Variants in NRXN1 observed in about 807,000 individuals in gnomAD.
The protein encoded by NRXN1 is neurexin 1, also known as neurexin-1.
NRXN1 carries 39 observed loss-of-function variants against 150.9 expected under a neutral mutation model. The ratio of observed to expected loss-of-function variants is 0.26; its 90% CI spans 0.20 to 0.34. The LOEUF (loss-of-function observed/expected upper bound fraction) is 0.34. Ranked by LOEUF, NRXN1 falls within the 10% of genes least tolerant of loss-of-function variation. The pLI is 1.00. For missense variants in NRXN1, 1,815 were observed against 1,949.9 expected, an observed-to-expected ratio of 0.93 and a Z score of 1.30; for synonymous variants, 924 against 757.0, an observed-to-expected ratio of 1.22 and a Z score of -3.62.
At position 50,804,944 on chromosome 2, in the gene NRXN1, G is replaced by A. The variant is rs114524855; in HGVS notation, c.832+116925C>T. Among the ~76,000 whole-genome samples, 1,097 of 152,290 alleles carry A rather than the reference G, an allele frequency of 7.2e-3. 8 individuals are homozygous for A. The highest frequency in any genetic ancestry group is 0.025 in the African/African-American group (1,040 of 41,566). On this transcript the variant is annotated intron_variant, in intron 5 of 22. Transcript: ENST00000401669. The stretch of plus-strand genomic sequence containing the variant: ...CAGTGTGTGCATGTAAGAAGAAGCA[G>A]TACAGTATAATAAAGAAGGCAGGTT...
chr2:49,972,456 T>G (rs1678124242), intron 21 of NRXN1, among the ~76,000 whole-genome samples: 1 of 152,238 alleles, frequency 6.6e-6, no homozygotes, highest in Non-Finnish European at 1.5e-5. Flanking sequence ...CTAAACATTT[T>G]CAGAATTGAA....
At chr2:50,793,134 A>T (rs893747374) in intron 5 of NRXN1, among the ~76,000 whole-genome samples, 1 of 152,172 alleles carries the variant, frequency 6.6e-6, no homozygotes, top group African/African-American at 2.4e-5. Flanking sequence ...TATCCAGAAG[A>T]AAAAGCAAAG....
chr2:50,707,847 C>CTTACAGATTTTCCTACAGTATA (rs1289585326), intron 5 of NRXN1, among the ~76,000 whole-genome samples: 1 of 152,134 alleles, frequency 6.6e-6, no homozygotes, highest in Non-Finnish European at 1.5e-5. Flanking sequence ...CCTAGAAGAT[C>CTTACAGATTTTCCTACAGTATA]TTACAGATTT....
intron 18 of NRXN1, among the ~76,000 whole-genome samples, chr2:50,148,665 G>A (rs1347795359): frequency 6.6e-6 from 1 of 151,704 alleles, no homozygotes. Flanking sequence ...ACTGACCCAT[G>A]ATTCAGAATT....
At chr2:50,334,047 C>CTG (rs1348939857) in intron 17 of NRXN1, among the ~76,000 whole-genome samples, 1 of 151,332 alleles carries the variant, frequency 6.6e-6, no homozygotes, top group Non-Finnish European at 1.5e-5. Context: ...AGCTTTTTGC[C>CTG]TGTGTGTGTG....
At chr2:50,624,216 T>A (rs1204121049) in intron 5 of NRXN1, among the ~76,000 whole-genome samples, 1 of 152,156 alleles carries the variant, frequency 6.6e-6, no homozygotes, top group African/African-American at 2.4e-5. Flanking sequence ...GGTGGCAGTA[T>A]GTTTTTAATA....
chr2:50,401,583 G>T (rs2082395486), intron 17 of NRXN1, among the ~76,000 whole-genome samples: 1 of 152,000 alleles, frequency 6.6e-6, no homozygotes, highest in Admixed American at 6.6e-5. Flanking sequence ...CACTTTACTA[G>T]ATGAATTCAG....
intron 2 of NRXN1, among the ~76,000 whole-genome samples, chr2:50,948,682 C>T (rs1012303311): frequency 4.6e-5 from 7 of 152,000 alleles, no homozygotes; most frequent in African/African-American, 1.7e-4. Flanking sequence ...GAATTAACCA[C>T]TTTGGAACCT....
intron 5 of NRXN1, among the ~76,000 whole-genome samples, chr2:50,816,752 G>A (rs1050611053): frequency 2.6e-5 from 4 of 152,028 alleles, no homozygotes; most frequent in Non-Finnish European, 5.9e-5. Context: ...CCATGAGTTG[G>A]TCACTGCTGT....
chr2:50,994,145 C>T (rs1296055696), intron 2 of NRXN1, among the ~76,000 whole-genome samples: 1 of 151,850 alleles, frequency 6.6e-6, no homozygotes, highest in East Asian at 1.9e-4. Context: ...AATACTGAGC[C>T]TTAGAGAAGT....
intron 2 of NRXN1, among the ~76,000 whole-genome samples, chr2:50,962,507 C>A (rs989512557): frequency 3.2e-5 from 4 of 124,002 alleles, no homozygotes; most frequent in African/African-American, 1.3e-4. Context: ...ATTCACAGAG[C>A]CAAGTGCTTG....
chr2:50,063,188 C>T (rs1189987191), intron 19 of NRXN1, among the ~76,000 whole-genome samples: 2 of 152,098 alleles, frequency 1.3e-5, no homozygotes, highest in Non-Finnish European at 2.9e-5. Flanking sequence ...GTCATATAGA[C>T]CCTGCAAATA....
intron 21 of NRXN1, among the ~76,000 whole-genome samples, chr2:49,958,523 C>T (rs143030934): frequency 6.8e-4 from 104 of 152,202 alleles, no homozygotes; most frequent in Non-Finnish European, 8.7e-4. Flanking sequence ...CTGCAATCCC[C>T]GCCTGCCCTC....
rs79369060 is a variant in NRXN1, at chr2:51,024,182, C to T, written c.772+3320G>A. On this transcript the variant is annotated intron_variant, in intron 2 of 22. Coordinates refer to ENST00000401669, the MANE Select transcript of NRXN1 (RefSeq NM_001330078.2). ...AATGTTCAAGGTCATTTAGATGAGA[C>T]CATAACAACGGTCCAGGCACTTAGA... 9.6e-3 allele frequency among the ~76,000 whole-genome samples: 1,455 copies of T among 152,094 alleles called. 10 individuals are homozygous for T. The highest frequency in any genetic ancestry group is 0.014 in the Non-Finnish European group (979 of 67,990).
chr2:50,779,820 A>C (rs551413159), intron 5 of NRXN1, among the ~76,000 whole-genome samples: 2 of 152,176 alleles, frequency 1.3e-5, no homozygotes, highest in East Asian at 3.9e-4. Context: ...AAATAAAATA[A>C]AATAAACATG....
At chr2:50,397,994 A>G (rs2082153034) in intron 17 of NRXN1, among the ~76,000 whole-genome samples, 1 of 152,180 alleles carries the variant, frequency 6.6e-6, no homozygotes, top group Non-Finnish European at 1.5e-5. Context: ...GATAATGTGA[A>G]TACATTATTA....
At chr2:50,845,147 A>G (rs1673454670) in intron 5 of NRXN1, among the ~76,000 whole-genome samples, 1 of 150,440 alleles carries the variant, frequency 6.6e-6, no homozygotes, top group Non-Finnish European at 1.5e-5. Flanking sequence ...CTGGCTCTCA[A>G]CTAATCTCTG....
chr2:50,372,025 C>G (rs17040490), intron 17 of NRXN1, among the ~76,000 whole-genome samples: 21,006 of 151,952 alleles, frequency 0.14, 2,215 homozygotes, highest in East Asian at 0.37. Context: ...AAGTACTACC[C>G]TTTGCAGCCA....
At position 49,995,764 on chromosome 2, in the gene NRXN1, G is replaced by C. The variant is rs1442199879; in HGVS notation, c.4129-51973C>G. On this transcript the variant is annotated intron_variant, in intron 21 of 22. Coordinates refer to ENST00000401669, the MANE Select transcript of NRXN1 (RefSeq NM_001330078.2). ...TCACTGCAATCCAGCCTGAGCGACA[G>C]AGCGAGACTCCGTCTCAAAAAAAAA... is the stretch of plus-strand genomic sequence containing the variant. Among the ~76,000 whole-genome samples the C allele has an allele frequency of 2.6e-5, 3 of 116,428 alleles. No individual in the cohort carries two copies. The South Asian group carries it at 9.1e-4, about 35-fold the overall frequency. The allele number at this position is 116,428 out of a possible 152,430, so 76.4% of individuals were successfully genotyped here.
Sources: gnomAD v4.1 joint callset for allele counts (sites outside exome capture counted in the v4.1 genomes callset) on GRCh38, gnomAD v4.1.1 for gene constraint, MANE v1.5 for transcripts, NCBI Gene and HGNC (gene_info 2026-07-23, HGNC 2026-07-21) for gene names.